The following PPM1B variants were observed in gnomAD, a reference collection of about 807,000 sequenced individuals.
The protein encoded by PPM1B is protein phosphatase, Mg2+/Mn2+ dependent 1B.
PPM1B carries 22 observed loss-of-function variants against 43.0 expected under a neutral mutation model. The observed-to-expected ratio is 0.51, with a 90% CI of 0.37 to 0.73. PPM1B has a LOEUF of 0.73. Ranked by LOEUF, PPM1B falls within the 30% of genes least tolerant of loss-of-function variation. The pLI is 0.00. For synonymous variants in PPM1B, 217 were observed against 197.9 expected, an observed-to-expected ratio of 1.10 and a Z score of -0.81; for missense variants, 632 against 584.2, an observed-to-expected ratio of 1.08 and a Z score of -0.84.
At chr2:44,213,398 A>T (rs559649758) in intron 3 of PPM1B, among the ~76,000 whole-genome samples, 35 of 150,904 alleles carry the variant, frequency 2.3e-4, no homozygotes, top group African/African-American at 7.3e-4. Context: ...ATGATGGTAT[A>T]ATAGTTCGTT....
intron 5 of PPM1B, among the ~76,000 whole-genome samples, chr2:44,224,849 T>C (rs1292296436): frequency 6.6e-6 from 1 of 152,216 alleles, no homozygotes; most frequent in African/African-American, 2.4e-5. Context: ...TTTACTATAT[T>C]AAGGAAATAT....
intron 5 of PPM1B, chr2:44,244,157 C>G (rs1372169035): frequency 7.5e-6 from 6 of 800,532 alleles, no homozygotes; most frequent in African/African-American, 3.9e-5. Flanking sequence ...ATTTACTTAC[C>G]AACCCCAATC....
intron 3 of PPM1B, among the ~76,000 whole-genome samples, chr2:44,211,477 G>C (rs1213753001): frequency 6.6e-6 from 1 of 152,154 alleles, no homozygotes; most frequent in East Asian, 1.9e-4. Flanking sequence ...ATCACAATCA[G>C]GGAGGCATGT....
In PPM1B at chr2:44,230,594, C is replaced by G. The variant is rs773011976; in HGVS notation, c.1316C>G (p.Ser439Trp). 5.6e-6 allele frequency: 9 copies of G among 1,614,094 alleles called. No individual in the cohort carries two copies. Among genetic ancestry groups the G allele is most frequent in the Non-Finnish European group, 6.8e-6 (8 of 1,180,004 alleles). ...GAACCAGCTGCCACAGCTACTTCTT[C>G]GAACAGTGATGCTGGAAACCCAGTG... ...PAEPAATATS[S>W]NSDAGNPVTM... Residue 439 changes from serine to tryptophan, a missense_variant, in exon 6 of 6, where the codon TCG becomes TGG. By Grantham distance (177) the Ser-to-Trp change is radical. Around this residue, in one of 3 missense-constraint regions of PPM1B, gnomAD observed 392 missense variants for 302.7 expected, o/e 1.29. Coordinates refer to ENST00000282412, the MANE Select transcript of PPM1B (RefSeq NM_002706.6).
intron 3 of PPM1B, among the ~76,000 whole-genome samples, chr2:44,217,246 A>T (rs1282589064): frequency 6.6e-6 from 1 of 151,802 alleles, no homozygotes; most frequent in Non-Finnish European, 1.5e-5. Flanking sequence ...CTAAAAATAC[A>T]AAATTAGCCA....
chr2:44,201,693 C>T lies in PPM1B; in HGVS notation c.494C>T (p.Ser165Phe), dbSNP rs369989518. 4.3e-5 allele frequency: 69 copies of T among 1,614,082 alleles called. No individual in the cohort carries two copies. The highest frequency in any genetic ancestry group is 1.1e-4 in the South Asian group (10 of 91,082). ...VLYRNGQVCFSTQDHKPCNPR... is the reference protein window; with the variant it reads ...VLYRNGQVCFFTQDHKPCNPR... ...TATAGGAATGGACAAGTCTGCTTTTCTACCCAGGATCACAAACCTTGCAAT... is the reference window on the plus strand; with the variant it reads ...TATAGGAATGGACAAGTCTGCTTTTTTACCCAGGATCACAAACCTTGCAAT... The change falls in exon 2 of 6, where the codon TCT (serine) becomes TTT (phenylalanine). Residue 165 changes from serine (S) to phenylalanine (F), a missense_variant. Physicochemically the swap from Ser to Phe is radical, Grantham distance 155. Transcript: ENST00000282412. The surrounding 1 kb of genome is among the most constrained non-coding windows in gnomAD (Gnocchi z 5.4).
At chr2:44,220,412 CAG>C (rs1025067031) in intron 5 of PPM1B, among the ~76,000 whole-genome samples, 3 of 151,926 alleles carry the variant, frequency 2.0e-5, no homozygotes, top group Non-Finnish European at 4.4e-5. Context: ...GCTACATAAA[CAG>C]GGAATAAATA....
chr2:44,184,160 A>C lies in PPM1B; in HGVS notation c.-15+14886A>C, dbSNP rs568890423. 1.2e-4 allele frequency among the ~76,000 whole-genome samples: 19 copies of C among 152,346 alleles called. No homozygotes were observed. The South Asian group carries it at 3.5e-3, about 28-fold the overall frequency. On this transcript the variant is annotated intron_variant, in intron 1 of 5. Coordinates refer to ENST00000282412, the MANE Select transcript of PPM1B (RefSeq NM_002706.6). ...CCTTCCTCATAGGATTATTGTGAGGATTAAATGAGTTCATGCCTGTAAATA... is the reference window on the plus strand; with the variant it reads ...CCTTCCTCATAGGATTATTGTGAGGCTTAAATGAGTTCATGCCTGTAAATA...
At position 44,230,250 on chromosome 2, in the gene PPM1B, TATTA is replaced by T. The variant is rs1243801970; in HGVS notation, c.1135-159_1135-156del. ...ACTTGAGATTATTATTGGAAGTTTT[TATTA>T]ATTGATACAGGTAAGAATTGATATT... On this transcript the variant is annotated intron_variant, in intron 5 of 5. Coordinates refer to ENST00000282412, the MANE Select transcript of PPM1B (RefSeq NM_002706.6). 9 of 1,430,996 alleles carry T rather than the reference TATTA, an allele frequency of 6.3e-6. No homozygotes were observed. The African/African-American group carries it at 7.2e-5, about 11-fold the overall frequency. 88.6% of individuals were successfully genotyped at this position (1,430,996 alleles called of 1,614,324 possible).
chr2:44,228,424 C>T (rs917258685), intron 5 of PPM1B, among the ~76,000 whole-genome samples: 2 of 152,068 alleles, frequency 1.3e-5, no homozygotes, highest in Admixed American at 6.6e-5. Context: ...TCCTCCTACC[C>T]GTCTCCCAAA....
chr2:44,210,506 C>CAGCACA (rs1669410635), intron 3 of PPM1B, among the ~76,000 whole-genome samples: 1 of 152,158 alleles, frequency 6.6e-6, no homozygotes, highest in African/African-American at 2.4e-5. Flanking sequence ...AGGCATGAGC[C>CAGCACA]AGCACAGCCA....
intron 1 of PPM1B, among the ~76,000 whole-genome samples, chr2:44,179,679 A>G (rs1667768057): frequency 6.6e-6 from 1 of 152,112 alleles, no homozygotes; most frequent in Non-Finnish European, 1.5e-5. Context: ...TTAGATTTAG[A>G]TGTTAGTGTG....
intron 1 of PPM1B, among the ~76,000 whole-genome samples, chr2:44,194,494 CG>C (rs1668563175): frequency 6.6e-6 from 1 of 151,864 alleles, no homozygotes; most frequent in Admixed American, 6.6e-5. Context: ...GAGGCCGAGG[CG>C]GGCGGATCAC....
intron 5 of PPM1B, chr2:44,218,989 G>C (rs539185005): frequency 3.3e-4 from 130 of 396,432 alleles, no homozygotes; most frequent in African/African-American, 2.4e-3. Context: ...CCCGAGGATA[G>C]TTTTTTTCTA....
At chr2:44,229,453 G>C (rs1160327059) in intron 5 of PPM1B, among the ~76,000 whole-genome samples, 1 of 151,978 alleles carries the variant, frequency 6.6e-6, no homozygotes, top group African/African-American at 2.4e-5. Flanking sequence ...CCCCTCACCT[G>C]TTTTTTTCCC....
intron 5 of PPM1B, chr2:44,230,072 A>AG: frequency 1.3e-6 from 2 of 1,541,962 alleles, no homozygotes; most frequent in Non-Finnish European, 1.7e-6. Flanking sequence ...TTTCTTTTGT[A>AG]CTAAATCATA....
intron 5 of PPM1B, chr2:44,218,947 C>G: frequency 2.2e-6 from 1 of 444,898 alleles, no homozygotes; most frequent in Non-Finnish European, 4.5e-6. Context: ...ATAACTAGAC[C>G]TTTCAGTACC....
chr2:44,245,479 G>A (rs570534258), downstream of PPM1B, among the ~76,000 whole-genome samples: 2 of 152,146 alleles, frequency 1.3e-5, no homozygotes, highest in East Asian at 3.9e-4. Flanking sequence ...AAAGCTCCTG[G>A]AACCCACAAA....
At chr2:44,179,478 G>GA (rs1667754376) in intron 1 of PPM1B, among the ~76,000 whole-genome samples, 1 of 152,134 alleles carries the variant, frequency 6.6e-6, no homozygotes, top group Non-Finnish European at 1.5e-5. Context: ...TTGATATTGA[G>GA]AGTCTCTCTC....
Sources: gnomAD v4.1 joint callset for allele counts (sites outside exome capture counted in the v4.1 genomes callset) on GRCh38, gnomAD v4.1.1 for gene constraint, gnomAD v4.1.1 regional missense constraint, Gnocchi (gnomAD v3.1) non-coding constraint, MANE v1.5 for transcripts, NCBI Gene and HGNC (gene_info 2026-07-23, HGNC 2026-07-21) for gene names.